Variants in PSG7 observed in about 807,000 individuals in gnomAD.
The protein encoded by PSG7 is pregnancy-specific beta-1-glycoprotein 7.
In PSG7, 57 loss-of-function variants were observed where a neutral mutation model predicts 45.6. The observed-to-expected ratio is 1.25, with a 90% confidence interval of 1.01 to 1.56. The LOEUF is 1.56. PSG7 is among the 40% of genes most tolerant of loss of function. The pLI is 0.00. For missense variants in PSG7, 796 were observed against 508.4 expected (o/e 1.57, Z -5.44); for synonymous variants, 298 against 194.4 (o/e 1.53, Z -4.43).
rs781503629 is a variant in PSG7, at chr19:42,937,054, G to A, written c.23C>T (p.Pro8Leu). 1.6e-5 allele frequency: 26 copies of A among 1,611,376 alleles called. 3 individuals carry two copies. Among genetic ancestry groups the A allele is most frequent in the Non-Finnish European group, 2.0e-5 (24 of 1,178,544 alleles). The change falls in exon 1 of 6, where the codon CCC (proline) becomes CTC (leucine). Residue 8 changes from proline to leucine, a missense_variant. Transcript: ENST00000406070. The part of the protein sequence containing the change: MGPLSAP[P>L]CTQHITWKGL... ...TTTCCAGGTTATATGCTGTGTGCAG[G>A]GAGGGGCTGAGAGGGGCCCCATGGT...
At chr19:42,935,037 G>A (rs552897528) in intron 2 of PSG7, among the ~76,000 whole-genome samples, 1 of 151,770 alleles carries the variant, frequency 6.6e-6, no homozygotes, top group East Asian at 1.9e-4. Context: ...CTAGGGCTGA[G>A]CTTCTCTGAG....
Position 42,924,918 on chromosome 19 carries a change from C to T in PSG7, c.1244-94G>A, listed in dbSNP as rs1335517346. ...TTTATTTTCCACATAATTTTTCTCT[C>T]TATGGGCATCTCTAGTTTTACCAAT... is the stretch of plus-strand genomic sequence containing the variant. On this transcript the variant is annotated intron_variant, in intron 5 of 5. Coordinates refer to ENST00000406070, the MANE Select transcript of PSG7 (RefSeq NM_002783.3). The T allele has an allele frequency of 1.1e-5, 8 of 750,020 alleles. 1 individual carries two copies. Among genetic ancestry groups the T allele is most frequent in the Admixed American group, 7.0e-5 (4 of 56,844 alleles). The allele number at this position is 750,020 out of a possible 1,614,324, so 46.5% of individuals were successfully genotyped here.
intron 4 of PSG7, 94 bp downstream of exon 4, chr19:42,926,344 C>T (rs1972887992): frequency 6.4e-7 from 1 of 1,572,122 alleles, no homozygotes; most frequent in Non-Finnish European, 8.6e-7. Context: ...TATACTTGGA[C>T]CGGAGAGAGA....
At chr19:42,934,430 C>T (rs1218191520) in intron 2 of PSG7, among the ~76,000 whole-genome samples, 1 of 151,402 alleles carries the variant, frequency 6.6e-6, no homozygotes, top group African/African-American at 2.4e-5. Flanking sequence ...CTCATGTGAC[C>T]CTGATCTCCC....
rs369954411 is a variant in PSG7, at chr19:42,925,081, T to A, written c.1244-257A>T. On this transcript the variant is annotated intron_variant, in intron 5 of 5. Transcript: ENST00000406070. ...TTAAAATTTTCTTTGCTGTAAGTTT[T>A]TATAAGGAATCTCAGATTAAACCTT... The A allele has an allele frequency of 9.4e-4, 495 of 527,620 alleles. 7 individuals carry two copies. The highest frequency in any genetic ancestry group is 2.8e-3 in the South Asian group (99 of 35,394). The allele number at this position is 527,620 out of a possible 1,614,324, so 32.7% of individuals were successfully genotyped here.
intron 2 of PSG7, among the ~76,000 whole-genome samples, chr19:42,934,783 A>T (rs1471469734): frequency 6.6e-6 from 1 of 151,536 alleles, no homozygotes; most frequent in Non-Finnish European, 1.5e-5. Flanking sequence ...ATGGCCTACA[A>T]AGCTTGTCTT....
chr19:42,929,452 C>T lies in PSG7; in HGVS notation c.699G>A (p.Leu233=), dbSNP rs372150257. ...ACAGAAGATACTCACGGAGGAGATT[C>T]AGGGTGACTGGGTCACTGCGGCTGG... The part of the protein sequence containing the change: ...VSASRSDPVT[L]NLLPKLPKPY... Residue 233 remains leucine (L), a synonymous_variant, in exon 3 of 6, where the codon CTG becomes CTA. Transcript: ENST00000406070. The T allele has an allele frequency of 1.9e-6, 3 of 1,612,436 alleles. No individual in the cohort carries two copies. The Admixed American group carries it at 5.0e-5, about 27-fold the overall frequency.
At chr19:42,933,265 C>CT (rs1568459355) in intron 2 of PSG7, among the ~76,000 whole-genome samples, 511 of 30,342 alleles carry the variant, frequency 0.017, 46 homozygotes, top group South Asian at 0.047. Flanking sequence ...ATCACCATTT[C>CT]AATATATATA....
intron 2 of PSG7, among the ~76,000 whole-genome samples, chr19:42,932,108 C>T (rs1391597509): frequency 1.3e-5 from 2 of 151,422 alleles, no homozygotes; most frequent in African/African-American, 4.9e-5. Flanking sequence ...ACTGCAAGCT[C>T]CGCCTCCCGG....
chr19:42,930,020 A>G lies in PSG7; in HGVS notation c.431-300T>C, dbSNP rs375510553. On this transcript the variant is annotated intron_variant, in intron 2 of 5. Transcript: ENST00000406070. ...TTCTGGTGCCTCTCTGAGTCCCTCC[A>G]TCTCCAACTGCCTGCCTGGCCCACC... is the stretch of plus-strand genomic sequence containing the variant. Among the ~76,000 whole-genome samples, 147 of 151,756 alleles carry G rather than the reference A, an allele frequency of 9.7e-4. 10 individuals are homozygous for G. In the South Asian group the frequency reaches 0.028, roughly 29 times the overall value.
chr19:42,935,218 A>G (rs890686419), intron 2 of PSG7, among the ~76,000 whole-genome samples, 186 bp downstream of exon 2: 3 of 151,866 alleles, frequency 2.0e-5, no homozygotes, highest in African/African-American at 4.8e-5. Context: ...TCTGGATGTG[A>G]GAAAGGAATT....
Position 42,935,638 on chromosome 19 carries a change from T to C in PSG7, c.196A>G (p.Ile66Val), listed in dbSNP as rs781905382. 2 of 1,612,154 alleles carry C rather than the reference T, an allele frequency of 1.2e-6. No individual in the cohort carries two copies. Among genetic ancestry groups the C allele is most frequent in the Non-Finnish European group, 1.7e-6 (2 of 1,179,134 alleles). The change falls in exon 2 of 6, where the codon ATC (isoleucine) becomes GTC (valine). Residue 66 changes from isoleucine to valine, a missense_variant. By Grantham distance (29) the Ile-to-Val change is conservative. Coordinates refer to ENST00000406070, the MANE Select transcript of PSG7 (RefSeq NM_002783.3). Reference protein sequence around the residue: ...HNLPQNLTGYIWYKGQIRDLY... With the variant: ...HNLPQNLTGYVWYKGQIRDLY... Reference sequence around the variant, plus strand: ...TCCCTGATTTGTCCTTTGTACCAGATGTAGCCAGTAAGATTCTGGGGCAAA... The same window carrying C: ...TCCCTGATTTGTCCTTTGTACCAGACGTAGCCAGTAAGATTCTGGGGCAAA...
rs1458622037 is a variant in PSG7, at chr19:42,924,787, A to T, written c.*21T>A. On this transcript the variant is annotated 3_prime_UTR_variant, in exon 6 of 6. Transcript: ENST00000406070. The stretch of plus-strand genomic sequence containing the variant: ...TTTGAGGTTCCATGGGAGAAGATGG[A>T]ATTGGAGGAACTAGTAGAATTCAGG... 1.3e-6 allele frequency: 1 copy of T among 766,860 alleles called. No homozygotes were observed. The highest frequency in any genetic ancestry group is 1.7e-5 in the African/African-American group (1 of 58,316). 47.5% of individuals were successfully genotyped at this position (766,860 alleles called of 1,614,324 possible). A position where few individuals can be genotyped will look rare whatever the true frequency, so the allele number is the denominator to read the frequency against.
At chr19:42,930,075 T>C (rs945507539) in intron 2 of PSG7, among the ~76,000 whole-genome samples, 2 of 151,674 alleles carry the variant, frequency 1.3e-5, no homozygotes, top group African/African-American at 4.8e-5. Context: ...CATTCAGTGC[T>C]GGAATCTTCT....
In PSG7 at chr19:42,933,760, C is replaced by A. The variant is rs147820188; in HGVS notation, c.430+1644G>T. Among the ~76,000 whole-genome samples, 310 of 151,134 alleles carry A rather than the reference C, an allele frequency of 2.1e-3. 10 individuals are homozygous for A. Among genetic ancestry groups the A allele is most frequent in the African/African-American group, 6.7e-3 (276 of 41,106 alleles). ...ACACCATGGCAGTGAGCAGTGAGGG[C>A]TACACTGACTTCAGTGACCCCAGGG... On this transcript the variant is annotated intron_variant, in intron 2 of 5. Coordinates refer to ENST00000406070, the MANE Select transcript of PSG7 (RefSeq NM_002783.3).
At chr19:42,928,887 G>T (rs1297585838) in intron 3 of PSG7, among the ~76,000 whole-genome samples, 1 of 151,478 alleles carries the variant, frequency 6.6e-6, no homozygotes, top group East Asian at 1.9e-4. Flanking sequence ...GTGAATTGGG[G>T]TATAAAGAAC....
chr19:42,936,177 C>A (rs1020021148), intron 1 of PSG7: 3 of 199,028 alleles, frequency 1.5e-5, no homozygotes. Context: ...CCTTTCCCTG[C>A]TCTGCTCCCT....
intron 5 of PSG7, 134 bp from the exon 6 acceptor site, chr19:42,924,958 A>G: frequency 1.5e-6 from 1 of 682,456 alleles, no homozygotes; most frequent in Non-Finnish European, 2.7e-6. Flanking sequence ...ATTTCAGTAG[A>G]ATAAGTTTGT....
chr19:42,932,819 C>T (rs1400894478), intron 2 of PSG7, among the ~76,000 whole-genome samples: 1 of 151,546 alleles, frequency 6.6e-6, no homozygotes, highest in Non-Finnish European at 1.5e-5. Flanking sequence ...GAACTGAATT[C>T]TGCTAAAATG....
Sources: allele counts gnomAD v4.1 joint callset (sites outside exome capture counted in the v4.1 genomes callset), GRCh38; gene constraint gnomAD v4.1.1; transcripts MANE v1.5; gene names NCBI Gene and HGNC (gene_info 2026-07-23, HGNC 2026-07-21).